Variants in THSD7B observed in about 807,000 individuals in gnomAD.
The protein encoded by THSD7B is thrombospondin type 1 domain containing 7B.
In THSD7B, 138 loss-of-function variants were observed where a neutral mutation model predicts 213.6. The ratio of observed to expected loss-of-function variants is 0.65; its 90% confidence interval spans 0.56 to 0.74. The LOEUF is 0.74. Ranked by LOEUF, THSD7B falls within the 30% of genes least tolerant of loss-of-function variation. THSD7B has a pLI of 0.00. For missense variants in THSD7B, 1,931 were observed against 1,991.5 expected, an observed-to-expected ratio of 0.97 and a Z score of 0.58; for synonymous variants, 742 against 687.0, an observed-to-expected ratio of 1.08 and a Z score of -1.25.
At chr2:137,587,446 T>A (rs1294904204) in intron 17 of THSD7B, among the ~76,000 whole-genome samples, 1 of 152,168 alleles carries the variant, frequency 6.6e-6, no homozygotes, top group Non-Finnish European at 1.5e-5. Context: ...TCTGCTCTGT[T>A]TTTTCCCCAT....
At chr2:137,523,872 T>C (rs990187900) in intron 15 of THSD7B, among the ~76,000 whole-genome samples, 2 of 152,196 alleles carry the variant, frequency 1.3e-5, no homozygotes, top group Non-Finnish European at 2.9e-5. Flanking sequence ...TGTGAAGCCA[T>C]GGTTGAAAAC....
intron 15 of THSD7B, among the ~76,000 whole-genome samples, chr2:137,506,078 C>T (rs10197034): frequency 0.71 from 107,552 of 151,962 alleles, 39,026 homozygotes; most frequent in Non-Finnish European, 0.79. Flanking sequence ...GGGAAGGGGA[C>T]TCCTCCTGAG....
At chr2:137,387,654 C>CAAA (rs921779108) in intron 12 of THSD7B, among the ~76,000 whole-genome samples, 14 of 151,744 alleles carry the variant, frequency 9.2e-5, no homozygotes, top group Non-Finnish European at 1.9e-4. Flanking sequence ...CAGAAAGAAC[C>CAAA]AAAAAAGAAA....
intron 5 of THSD7B, among the ~76,000 whole-genome samples, chr2:137,150,108 G>A (rs527994120): frequency 6.6e-6 from 1 of 152,006 alleles, no homozygotes; most frequent in African/African-American, 2.4e-5. Flanking sequence ...CAGGTGTGGT[G>A]GTGCATGCCT....
intron 5 of THSD7B, among the ~76,000 whole-genome samples, chr2:137,145,258 T>G (rs1475480784): frequency 6.6e-6 from 1 of 152,054 alleles, no homozygotes; most frequent in African/African-American, 2.4e-5. Flanking sequence ...CAATGAATAT[T>G]AAGAAGAGAG....
chr2:136,898,141 C>A (rs1463254904), intron 2 of THSD7B, among the ~76,000 whole-genome samples: 1 of 152,246 alleles, frequency 6.6e-6, no homozygotes, highest in Non-Finnish European at 1.5e-5. Flanking sequence ...GGAAATCTAG[C>A]TGGCTTCACC....
At chr2:137,635,294 G>T (rs1336449641) in intron 20 of THSD7B, among the ~76,000 whole-genome samples, 1 of 152,114 alleles carries the variant, frequency 6.6e-6, no homozygotes, top group African/African-American at 2.4e-5. Flanking sequence ...CCATATTTAT[G>T]ATTGAATTTA....
At chr2:137,067,709 C>CTTCTTTTATATCAGA (rs1687407277) in intron 3 of THSD7B, among the ~76,000 whole-genome samples, 1 of 151,992 alleles carries the variant, frequency 6.6e-6, no homozygotes, top group East Asian at 1.9e-4. Flanking sequence ...GGGTATATGC[C>CTTCTTTTATATCAGA]TTCTTTTATA....
At chr2:137,407,653 C>T (rs1166113227) in intron 13 of THSD7B, among the ~76,000 whole-genome samples, 1 of 151,948 alleles carries the variant, frequency 6.6e-6, no homozygotes, top group African/African-American at 2.4e-5. Context: ...ACTCCAAAGC[C>T]ATGTGATTCT....
chr2:137,077,167 A>G (rs1687643917), intron 3 of THSD7B, among the ~76,000 whole-genome samples: 1 of 151,988 alleles, frequency 6.6e-6, no homozygotes, highest in Non-Finnish European at 1.5e-5. Flanking sequence ...CATCATTTTT[A>G]TGGCTGCATA....
At chr2:137,044,004 G>A (rs1686926992) in intron 2 of THSD7B, among the ~76,000 whole-genome samples, 1 of 152,162 alleles carries the variant, frequency 6.6e-6, no homozygotes, top group African/African-American at 2.4e-5. Context: ...CCTCTAGGGT[G>A]TGAGCATGAA....
chr2:137,416,083 A>G (rs1294788531), intron 14 of THSD7B, among the ~76,000 whole-genome samples: 1 of 152,200 alleles, frequency 6.6e-6, no homozygotes, highest in Non-Finnish European at 1.5e-5. Flanking sequence ...TGAAAACATG[A>G]CTGAATCATC....
chr2:136,981,133 G>T (rs1413386494), intron 2 of THSD7B, among the ~76,000 whole-genome samples: 1 of 152,200 alleles, frequency 6.6e-6, no homozygotes, highest in African/African-American at 2.4e-5. Flanking sequence ...ATTTGTAAAA[G>T]AGTGAATGTA....
intron 2 of THSD7B, among the ~76,000 whole-genome samples, chr2:136,895,583 A>G (rs1034427770): frequency 7.4e-6 from 1 of 134,928 alleles, no homozygotes; most frequent in Non-Finnish European, 1.5e-5. Flanking sequence ...TGTTAGCCTG[A>G]AAGATTGGCT....
chr2:137,279,137 T>TA (rs376970616), intron 12 of THSD7B, among the ~76,000 whole-genome samples: 1 of 152,126 alleles, frequency 6.6e-6, no homozygotes, highest in Non-Finnish European at 1.5e-5. Flanking sequence ...TGTAGAACAG[T>TA]AAAAAAATAA....
chr2:136,984,836 C>A (rs1047200946), intron 2 of THSD7B, among the ~76,000 whole-genome samples: 1 of 151,992 alleles, frequency 6.6e-6, no homozygotes, highest in African/African-American at 2.4e-5. Flanking sequence ...AAATGGACAG[C>A]GAAGGCCAGG....
chr2:136,983,231 G>A (rs185374746), intron 2 of THSD7B, among the ~76,000 whole-genome samples: 1 of 152,082 alleles, frequency 6.6e-6, no homozygotes, highest in African/African-American at 2.4e-5. Context: ...ATATACTTAG[G>A]TGAGGACAAT....
chr2:137,246,952 A>C (rs1682054208), intron 10 of THSD7B, among the ~76,000 whole-genome samples: 1 of 152,196 alleles, frequency 6.6e-6, no homozygotes, highest in Non-Finnish European at 1.5e-5. Flanking sequence ...GAATATCTTT[A>C]GGTTGGAAGG....
intron 21 of THSD7B, 72 bp downstream of exon 21, chr2:137,642,705 C>T (rs540289581): frequency 4.3e-5 from 65 of 1,517,220 alleles, no homozygotes; most frequent in South Asian, 5.0e-5. Flanking sequence ...CAAACCTATG[C>T]GCTGATGGAA....
Sources: allele counts gnomAD v4.1 joint callset (sites outside exome capture counted in the v4.1 genomes callset), GRCh38; gene constraint gnomAD v4.1.1; transcripts MANE v1.5; gene names NCBI Gene and HGNC (gene_info 2026-07-23, HGNC 2026-07-21).